TNRC6C: variants seen among roughly 807,000 people sequenced by gnomAD.
TNRC6C encodes trinucleotide repeat containing adaptor 6C.
TNRC6C carries 20 observed loss-of-function variants against 153.7 expected under a neutral mutation model. The observed-to-expected ratio is 0.13, with a 90% confidence interval of 0.09 to 0.19. The LOEUF (loss-of-function observed/expected upper bound fraction) is 0.19, where lower values mean the gene tolerates loss of function less well. Among genes scored for constraint, TNRC6C ranks in the 10% least tolerant of loss-of-function variants. The probability of loss-of-function intolerance (pLI) is 1.00; values close to 1 mark genes in which losing one functional copy is unlikely to be tolerated. For synonymous variants in TNRC6C, 811 were observed against 841.4 expected (o/e 0.96, Z 0.63); for missense variants, 1,987 against 2,172.0 (o/e 0.91, Z 1.69).
intron 1 of TNRC6C, among the ~76,000 whole-genome samples, chr17:78,006,824 A>ATTTTT (rs1403015208): frequency 6.9e-6 from 1 of 145,248 alleles, no homozygotes; most frequent in Non-Finnish European, 1.5e-5. Context: ...TTATTTATTT[A>ATTTTT]TTTATTTTTT....
At chr17:78,005,645 C>G (rs975613622) in intron 1 of TNRC6C, among the ~76,000 whole-genome samples, 4 of 152,156 alleles carry the variant, frequency 2.6e-5, no homozygotes, top group Admixed American at 2.6e-4. Context: ...AAGCCATACT[C>G]CAAGCCTCTT....
intron 10 of TNRC6C, among the ~76,000 whole-genome samples, chr17:78,080,463 G>A (rs1225630607): frequency 6.6e-6 from 1 of 152,012 alleles, no homozygotes; most frequent in East Asian, 1.9e-4. Context: ...AAGAAAGAAA[G>A]GAAAAAAGGT....
chr17:78,064,586 C>G, intron 3 of TNRC6C, 136 bp from the exon 6 acceptor site: 1 of 800,518 alleles, frequency 1.2e-6, no homozygotes, highest in South Asian at 1.6e-5. Context: ...ACATTTGCCT[C>G]CTTTAAATTT....
Position 78,032,542 on chromosome 17 carries a change from C to T in TNRC6C, c.-219+700C>T, listed in dbSNP as rs189717384. Reference sequence around the variant, plus strand: ...TGGAAGAGAACAAAGTATTTGTGGTCAACTGCCATGTTCTCTGTTAGATTC... The same window carrying T: ...TGGAAGAGAACAAAGTATTTGTGGTTAACTGCCATGTTCTCTGTTAGATTC... On this transcript the variant is annotated intron_variant, in intron 2 of 19. Transcript: ENST00000301624. 7.2e-5 allele frequency among the ~76,000 whole-genome samples: 11 copies of T among 152,316 alleles called. No individual in the cohort carries two copies. In the East Asian group the frequency reaches 2.1e-3, roughly 29 times the overall value.
intron 1 of TNRC6C, among the ~76,000 whole-genome samples, chr17:78,025,931 G>A (rs187371617): frequency 3.3e-5 from 5 of 152,128 alleles, no homozygotes; most frequent in African/African-American, 4.8e-5. Flanking sequence ...TTCAACCATA[G>A]GCTTTCAGAA....
chr17:77,974,882 G>A lies in TNRC6C; in HGVS notation c.-38+15614G>A, dbSNP rs562317787. Among the ~76,000 whole-genome samples, 16 of 152,322 alleles carry A rather than the reference G, an allele frequency of 1.1e-4. 1 individual carries two copies. In the South Asian group the frequency reaches 3.1e-3, roughly 30 times the overall value. Reference sequence around the variant, plus strand: ...CTTGCCCAAGATCAGGTAGTCCTGGGTTCAAACCCAGGTTTTGCAGAAAAC... The same window carrying A: ...CTTGCCCAAGATCAGGTAGTCCTGGATTCAAACCCAGGTTTTGCAGAAAAC... On this transcript the variant is annotated intron_variant, in intron 1 of 22. Transcript: ENST00000636222.
chr17:77,995,369 C>G (rs2071312574), intron 1 of TNRC6C, among the ~76,000 whole-genome samples: 1 of 151,984 alleles, frequency 6.6e-6, no homozygotes, highest in Non-Finnish European at 1.5e-5. Flanking sequence ...CAGAACTCTT[C>G]TCCTGCTATG....
At chr17:78,098,599 C>T in intron 17 of TNRC6C, 62 bp downstream of exon 20, 1 of 1,538,444 alleles carries the variant, frequency 6.5e-7, no homozygotes, top group Non-Finnish European at 8.8e-7. Context: ...GTGCTTATCA[C>T]TTTGTCCTGT....
chr17:78,082,239 C>T (rs983195093), intron 10 of TNRC6C, among the ~76,000 whole-genome samples: 11 of 150,832 alleles, frequency 7.3e-5, no homozygotes, highest in African/African-American at 2.2e-4. Context: ...CTGGATATAC[C>T]GGCATTTATT....
rs78125442 is a variant in TNRC6C, at chr17:77,966,246, A to G, written c.-38+6978A>G. Among the ~76,000 whole-genome samples, 1,326 of 152,294 alleles carry G rather than the reference A, an allele frequency of 8.7e-3. 9 individuals carry two copies. Among genetic ancestry groups the G allele is most frequent in the Non-Finnish European group, 0.015 (1,016 of 68,012 alleles). The stretch of plus-strand genomic sequence containing the variant: ...GGCAATAAGGTTTAGAAGGGGCTCT[A>G]TCAGGTGGAACCTCTAGTTGTTGGC... On this transcript the variant is annotated intron_variant, in intron 1 of 22. Coordinates refer to the TNRC6C transcript ENST00000636222.
At chr17:78,101,081 TC>T (rs1345082135) in intron 17 of TNRC6C, among the ~76,000 whole-genome samples, 1 of 152,222 alleles carries the variant, frequency 6.6e-6, no homozygotes, top group African/African-American at 2.4e-5. Context: ...TGGCCAATTT[TC>T]TGAACTTTCA....
At chr17:78,038,250 A>G (rs149109595) in intron 2 of TNRC6C, among the ~76,000 whole-genome samples, 382 of 152,358 alleles carry the variant, frequency 2.5e-3, no homozygotes, top group African/African-American at 9.0e-3. Flanking sequence ...TAAATAGCAA[A>G]AGATAAATAT....
chr17:78,050,465 C>G lies in TNRC6C; in HGVS notation c.1403C>G (p.Ser468Cys), dbSNP rs377571209. 53 of 1,613,894 alleles carry G rather than the reference C, an allele frequency of 3.3e-5. No individual in the cohort carries two copies. Among genetic ancestry groups the G allele is most frequent in the Non-Finnish European group, 4.2e-5 (50 of 1,179,918 alleles). ...TGGGAATTTGAAGAATCCCCTAGGT[C>G]TGAAAGGAAAAATGACAATGGGACA... The change falls in exon 3 of 20, where the codon TCT (serine) becomes TGT (cysteine). Residue 468 changes from serine to cysteine, a missense_variant. Physicochemically the swap from Ser to Cys is moderately radical, Grantham distance 112 (BLOSUM62 -1). Coordinates refer to ENST00000301624, the Ensembl canonical transcript of TNRC6C.
intron 6 of TNRC6C, among the ~76,000 whole-genome samples, chr17:78,072,159 A>C (rs1381046170): frequency 2.0e-5 from 3 of 152,234 alleles, no homozygotes; most frequent in Non-Finnish European, 4.4e-5. Flanking sequence ...TGTATTGGGC[A>C]GGGCATTGTG....
chr17:78,084,743 C>G (rs537053169), intron 11 of TNRC6C, among the ~76,000 whole-genome samples: 7 of 151,074 alleles, frequency 4.6e-5, no homozygotes, highest in Non-Finnish European at 1.0e-4. Context: ...ATTCTCCTGT[C>G]TCAGCCTCCC....
intron 1 of TNRC6C, among the ~76,000 whole-genome samples, chr17:78,027,683 G>A (rs1168157736): frequency 6.6e-6 from 1 of 152,122 alleles, no homozygotes; most frequent in Admixed American, 6.5e-5. Flanking sequence ...CATTGATTGT[G>A]AGACATATCG....
At chr17:78,072,824 A>C (rs1242376570) in intron 6 of TNRC6C, among the ~76,000 whole-genome samples, 1 of 152,228 alleles carries the variant, frequency 6.6e-6, no homozygotes, top group East Asian at 1.9e-4. Flanking sequence ...TGTTAAATAC[A>C]AGGGCTTTAC....
chr17:78,035,012 A>C (rs1447839614), intron 2 of TNRC6C, among the ~76,000 whole-genome samples: 2 of 152,146 alleles, frequency 1.3e-5, no homozygotes, highest in East Asian at 3.8e-4. Flanking sequence ...AAATCTCTGA[A>C]CCATAGGTGA....
intron 1 of TNRC6C, among the ~76,000 whole-genome samples, chr17:77,967,607 G>T (rs2070908056): frequency 6.6e-6 from 1 of 152,152 alleles, no homozygotes; most frequent in African/African-American, 2.4e-5. Flanking sequence ...TGAAGGAGTG[G>T]CTAGTTCCTT....
Sources: gnomAD v4.1 joint callset for allele counts (sites outside exome capture counted in the v4.1 genomes callset) on GRCh38, gnomAD v4.1.1 for gene constraint, MANE v1.5 for transcripts, NCBI Gene and HGNC (gene_info 2026-07-23, HGNC 2026-07-21) for gene names.